The following SAMMSON variants were observed in gnomAD, a reference collection of about 807,000 sequenced individuals.
SAMMSON encodes the protein long intergenic non-protein coding RNA 1212.
intron 4 of SAMMSON, among the ~76,000 whole-genome samples, chr3:70,172,074 T>G (rs1700961912): frequency 6.6e-6 from 1 of 151,948 alleles, no homozygotes; most frequent in Non-Finnish European, 1.5e-5. Context: ...TTAATCTAGA[T>G]AATTGATCTG....
At chr3:70,365,391 T>A (rs1477033762) in intron 9 of SAMMSON, among the ~76,000 whole-genome samples, 1 of 151,714 alleles carries the variant, frequency 6.6e-6, no homozygotes, top group African/African-American at 2.4e-5. Context: ...ACATCCCAAA[T>A]GTACACATAT....
chr3:70,287,344 A>G (rs1702176880), intron 6 of SAMMSON, among the ~76,000 whole-genome samples: 1 of 148,340 alleles, frequency 6.7e-6, no homozygotes. Flanking sequence ...GGCTGTGTTT[A>G]TATGCTGGAT....
intron 3 of SAMMSON, among the ~76,000 whole-genome samples, chr3:70,044,994 A>AAAG (rs1484158190): frequency 3.0e-4 from 40 of 131,830 alleles, no homozygotes; most frequent in African/African-American, 1.1e-3. Flanking sequence ...TACTTTAATT[A>AAAG]TATAATTAAT....
chr3:70,227,206 A>T lies in SAMMSON; in HGVS notation n.508-21901A>T, dbSNP rs558801721. On this transcript the variant is annotated intron_variant and non_coding_transcript_variant, in intron 4 of 9. Coordinates refer to ENST00000642114, the Ensembl canonical transcript of SAMMSON. ...AATGCCATGATGGAGGATGAATTAG[A>T]AAGGAAATAGACTGGATTATAGTTG... 4.6e-5 allele frequency among the ~76,000 whole-genome samples: 7 copies of T among 152,316 alleles called. No individual in the cohort carries two copies. The South Asian group carries it at 8.3e-4, about 18-fold the overall frequency.
chr3:70,162,350 G>C (rs1306796654), intron 4 of SAMMSON, among the ~76,000 whole-genome samples: 1 of 151,788 alleles, frequency 6.6e-6, no homozygotes, highest in Non-Finnish European at 1.5e-5. Flanking sequence ...TTTTCATTCT[G>C]CTCAAAATAC....
rs1014107272 is a variant in SAMMSON, at chr3:70,128,023, A to G, written n.507+56458A>G. ...CCAGAATGGATAACGTTCCTGGGTC[A>G]GGCATCATTTTCAGTTCACATGTTG... On this transcript the variant is annotated intron_variant and non_coding_transcript_variant, in intron 4 of 9. Coordinates refer to ENST00000642114, the Ensembl canonical transcript of SAMMSON. 2.0e-5 allele frequency among the ~76,000 whole-genome samples: 3 copies of G among 152,246 alleles called. No homozygotes were observed. In the East Asian group the frequency reaches 5.8e-4, roughly 29 times the overall value.
chr3:70,108,173 A>C (rs141189208), intron 4 of SAMMSON, among the ~76,000 whole-genome samples: 27 of 152,004 alleles, frequency 1.8e-4, no homozygotes, highest in African/African-American at 5.5e-4. Flanking sequence ...CATTTTTTTT[A>C]AGAGCTGTAA....
intron 9 of SAMMSON, among the ~76,000 whole-genome samples, chr3:70,363,063 G>T (rs1454684779): frequency 6.6e-6 from 1 of 151,742 alleles, no homozygotes; most frequent in South Asian, 2.1e-4. Context: ...AAAGGGGAAT[G>T]AAAAAATAAA....
chr3:70,422,254 C>G (rs1485603640), intron 2 of SAMMSON, among the ~76,000 whole-genome samples: 2 of 151,976 alleles, frequency 1.3e-5, no homozygotes, highest in Non-Finnish European at 2.9e-5. Context: ...CTGTTTTACT[C>G]CATAACTCCC....
chr3:70,057,803 A>G (rs1204194353), intron 3 of SAMMSON, among the ~76,000 whole-genome samples: 2 of 151,978 alleles, frequency 1.3e-5, no homozygotes, highest in Non-Finnish European at 2.9e-5. Context: ...TTCATCCAAG[A>G]TTTCAATTAA....
chr3:70,247,676 CATT>C (rs1358457220), intron 4 of SAMMSON, among the ~76,000 whole-genome samples: 1 of 151,816 alleles, frequency 6.6e-6, no homozygotes, highest in African/African-American at 2.4e-5. Context: ...TCCCAATCAT[CATT>C]ATCATTGGTT....
intron 4 of SAMMSON, among the ~76,000 whole-genome samples, chr3:70,123,785 T>G (rs1305924994): frequency 6.6e-6 from 1 of 152,212 alleles, no homozygotes; most frequent in African/African-American, 2.4e-5. Flanking sequence ...CTCAGAGATG[T>G]GCAGATGTGT....
chr3:70,207,715 A>G lies in SAMMSON; in HGVS notation n.508-41392A>G, dbSNP rs190962106. On this transcript the variant is annotated intron_variant and non_coding_transcript_variant, in intron 4 of 9. Transcript: ENST00000642114. ...ACAACCACTTACATAGCATTTACAT[A>G]GTATTAGGTATGATAAATAATCTAA... Among the ~76,000 whole-genome samples the G allele has an allele frequency of 3.9e-4, 60 of 152,258 alleles. 1 individual carries two copies. The highest frequency in any genetic ancestry group is 1.4e-3 in the African/African-American group (58 of 41,576).
At chr3:70,427,466 G>A (rs560258544) in intron 2 of SAMMSON, among the ~76,000 whole-genome samples, 5 of 152,092 alleles carry the variant, frequency 3.3e-5, no homozygotes, top group South Asian at 2.1e-4. Flanking sequence ...AGGGCCGGGC[G>A]CGGTGGCTCA....
chr3:70,289,852 C>T (rs6763353), intron 6 of SAMMSON, among the ~76,000 whole-genome samples: 8,297 of 151,994 alleles, frequency 0.055, 590 homozygotes, highest in East Asian at 0.37. Context: ...TTGATTGCAT[C>T]GGCTCCTGAG....
At chr3:70,107,901 G>A (rs1181306727) in intron 4 of SAMMSON, among the ~76,000 whole-genome samples, 1 of 152,090 alleles carries the variant, frequency 6.6e-6, no homozygotes, top group African/African-American at 2.4e-5. Context: ...GAGATGGGAA[G>A]GATACACCTG....
chr3:70,073,207 A>C (rs1330115917), intron 4 of SAMMSON, among the ~76,000 whole-genome samples: 2 of 152,058 alleles, frequency 1.3e-5, no homozygotes, highest in Non-Finnish European at 2.9e-5. Context: ...CATAGACATA[A>C]ATAATCTGTG....
intron 4 of SAMMSON, among the ~76,000 whole-genome samples, chr3:70,212,384 C>T (rs1034462870): frequency 6.6e-6 from 1 of 152,122 alleles, no homozygotes; most frequent in Non-Finnish European, 1.5e-5. Context: ...CTCTGGCTAT[C>T]CCTGGAGAAT....
intron 4 of SAMMSON, among the ~76,000 whole-genome samples, chr3:70,155,907 A>G (rs974877792): frequency 3.3e-5 from 5 of 152,106 alleles, no homozygotes; most frequent in African/African-American, 9.7e-5. Flanking sequence ...TCCTTTTGAA[A>G]TAGAGTTGCT....
Sources: allele counts gnomAD v4.1 joint callset (sites outside exome capture counted in the v4.1 genomes callset), GRCh38; gene constraint gnomAD v4.1.1; transcripts MANE v1.5; gene names NCBI Gene and HGNC (gene_info 2026-07-23, HGNC 2026-07-21).